PPIA: variants seen among roughly 807,000 people sequenced by gnomAD.
PPIA encodes peptidyl-prolyl cis-trans isomerase A.
In PPIA, 2 loss-of-function variants were observed where a neutral mutation model predicts 15.3. That is an observed-to-expected ratio of 0.13 (90% CI 0.05 to 0.41). The LOEUF (loss-of-function observed/expected upper bound fraction) is 0.41, where lower values mean the gene tolerates loss of function less well. Among genes scored for constraint, PPIA ranks in the 10% least tolerant of loss-of-function variants. The pLI is 0.99. For missense variants in PPIA, 103 were observed against 210.3 expected (o/e 0.49, Z 3.16); for synonymous variants, 67 against 73.1 (o/e 0.92, Z 0.43).
intron 4 of PPIA, chr7:44,800,381 G>A (rs1430614054): frequency 2.0e-5 from 3 of 150,456 alleles, no homozygotes; most frequent in Middle Eastern, 6.9e-4. Flanking sequence ...GAGCCACTGC[G>A]CCCAACCAAT....
At chr7:44,798,699 A>G in intron 1 of PPIA, 1 of 968,546 alleles carries the variant, frequency 1.0e-6, no homozygotes, top group Non-Finnish European at 1.2e-6. Context: ...AGAAAGGTTC[A>G]AAACCAGATA....
At chr7:44,796,976 C>T (rs1306780223) in intron 1 of PPIA, among the ~76,000 whole-genome samples, 183 bp downstream of exon 1, 2 of 152,106 alleles carry the variant, frequency 1.3e-5, no homozygotes, top group Admixed American at 6.5e-5. Context: ...GGGGAGGAGG[C>T]CGGGACGGCG....
intron 4 of PPIA, chr7:44,800,398 CTTT>C (rs57466816): frequency 6.3e-5 from 9 of 142,354 alleles, no homozygotes; most frequent in Middle Eastern, 1.0e-3. Context: ...CAATTAAGTG[CTTT>C]TTTTTTTTTT....
At chr7:44,799,143 G>C (rs949116455) in intron 1 of PPIA, 104 bp from the exon 2 acceptor site, 1 of 1,320,180 alleles carries the variant, frequency 7.6e-7, no homozygotes, top group East Asian at 2.3e-5. Flanking sequence ...TACTGAAGAA[G>C]TATTCTAGTG....
Position 44,796,716 on chromosome 7 carries a change from C to G in PPIA, c.-9C>G, listed in dbSNP as rs755967080. The G allele has an allele frequency of 4.3e-6, 7 of 1,610,106 alleles. No individual in the cohort carries two copies. In the African/African-American group the frequency reaches 5.4e-5, roughly 12 times the overall value. On this transcript the variant is annotated 5_prime_UTR_variant, in exon 1 of 5. Coordinates refer to ENST00000468812, the MANE Select transcript of PPIA (RefSeq NM_021130.5). ...CGCCACCGCCGAGGAAAACCGTGTA[C>G]TATTAGCCATGGTCAACCCCACCGT...
intron 4 of PPIA, 81 bp from the exon 5 acceptor site, chr7:44,801,206 A>G: frequency 2.1e-6 from 3 of 1,433,274 alleles, no homozygotes; most frequent in Admixed American, 2.3e-5. Flanking sequence ...AAAAAAAGCT[A>G]CCTTTCTCGT....
chr7:44,798,776 T>C, intron 1 of PPIA: 1 of 989,154 alleles, frequency 1.0e-6, no homozygotes, highest in Non-Finnish European at 1.2e-6. Flanking sequence ...AAGAAGTGAC[T>C]GCTCATCTAA....
At chr7:44,800,048 CAGATACTATGAT>C (rs1792499268) in intron 4 of PPIA, 174 bp downstream of exon 4, 5 of 687,230 alleles carry the variant, frequency 7.3e-6, no homozygotes, top group Admixed American at 3.0e-5. Flanking sequence ...TACAGAATGT[CAGATACTATGAT>C]AGAAACTTGG....
chr7:44,799,947 T>C, intron 4 of PPIA, 73 bp downstream of exon 4: 1 of 1,473,264 alleles, frequency 6.8e-7, no homozygotes, highest in Admixed American at 1.8e-5. Context: ...GAACAAACAC[T>C]ACTTTTCTTC....
chr7:44,799,219 G>GTTAA, intron 1 of PPIA, 28 bp from the exon 2 acceptor site: 2 of 1,611,088 alleles, frequency 1.2e-6, no homozygotes, highest in South Asian at 2.2e-5. Context: ...ATAAGCAGAT[G>GTTAA]TTAATTAACT....
rs1792566294 is a variant in PPIA, at chr7:44,801,662, G to A, written c.*240G>A. The A allele has an allele frequency of 7.4e-6, 3 of 406,302 alleles. No homozygotes were observed. The South Asian group carries it at 8.3e-5, about 11-fold the overall frequency. 25.2% of individuals were successfully genotyped at this position (406,302 alleles called of 1,614,324 possible). On this transcript the variant is annotated 3_prime_UTR_variant, in exon 5 of 5. Coordinates refer to ENST00000468812, the MANE Select transcript of PPIA (RefSeq NM_021130.5). ...GTTTGAGTTAAGAGTGTTGATGTAGGCTTTATTTTAAGCAGTAATGGGTTA... is the reference window on the plus strand; with the variant it reads ...GTTTGAGTTAAGAGTGTTGATGTAGACTTTATTTTAAGCAGTAATGGGTTA...
chr7:44,798,586 A>C (rs1192672938), intron 1 of PPIA: 1 of 259,846 alleles, frequency 3.8e-6, no homozygotes, highest in African/African-American at 2.3e-5. Context: ...TCTGTGAAAT[A>C]GCTTATAAAA....
In PPIA at chr7:44,801,827, T is replaced by C; in HGVS notation, c.*405T>C. On this transcript the variant is annotated 3_prime_UTR_variant, in exon 5 of 5. Coordinates refer to ENST00000468812, the MANE Select transcript of PPIA (RefSeq NM_021130.5). ...ACTGGGCATGGTGGCTCACTGTCTG[T>C]AATGTATTACCTGAGGCAGAAGACC... is the stretch of plus-strand genomic sequence containing the variant. The C allele has an allele frequency of 5.1e-6, 1 of 195,314 alleles. No homozygotes were observed. The highest frequency in any genetic ancestry group is 1.1e-5 in the Non-Finnish European group (1 of 95,138). 12.1% of individuals were successfully genotyped at this position (195,314 alleles called of 1,614,324 possible). A position where few individuals can be genotyped will look rare whatever the true frequency, so the allele number is the denominator to read the frequency against.
intron 1 of PPIA, among the ~76,000 whole-genome samples, chr7:44,797,527 G>T (rs1041871201): frequency 1.5e-4 from 23 of 152,142 alleles, no homozygotes; most frequent in Non-Finnish European, 2.5e-4. Flanking sequence ...CAGTGACGGC[G>T]CTGGCGGGGG....
At position 44,801,501 on chromosome 7, in the gene PPIA, G is replaced by C. The variant is rs549994697; in HGVS notation, c.*79G>C. 6.2e-6 allele frequency: 7 copies of C among 1,125,086 alleles called. No individual in the cohort carries two copies. Among genetic ancestry groups the C allele is most frequent in the Non-Finnish European group, 9.0e-6 (7 of 777,642 alleles). 69.7% of individuals were successfully genotyped at this position (1,125,086 alleles called of 1,614,324 possible). Reference sequence around the variant, plus strand: ...GAGCACCCCTCCACCCCATTTGCTCGCAGTATCCTAGAATCTTTGTGCTCT... The same window carrying C: ...GAGCACCCCTCCACCCCATTTGCTCCCAGTATCCTAGAATCTTTGTGCTCT... On this transcript the variant is annotated 3_prime_UTR_variant, in exon 5 of 5. Coordinates refer to ENST00000468812, the MANE Select transcript of PPIA (RefSeq NM_021130.5).
At chr7:44,801,214 C>A in intron 4 of PPIA, 73 bp from the exon 5 acceptor site, 1 of 1,493,948 alleles carries the variant, frequency 6.7e-7, no homozygotes, top group Non-Finnish European at 9.1e-7. Flanking sequence ...CTACCTTTCT[C>A]GTCTTGGTTC....
chr7:44,799,909 TA>T (rs1257947374), intron 4 of PPIA, 35 bp downstream of exon 4: 3 of 1,597,038 alleles, frequency 1.9e-6, no homozygotes, highest in African/African-American at 2.7e-5. Flanking sequence ...ACCACCTGAC[TA>T]AATGAAAAGT....
At chr7:44,801,083 C>T (rs1414577962) in intron 4 of PPIA, among the ~76,000 whole-genome samples, 1 of 151,862 alleles carries the variant, frequency 6.6e-6, no homozygotes, top group Non-Finnish European at 1.5e-5. Context: ...TCCCAAAGTG[C>T]TGGGATTACA....
chr7:44,796,689 G>A lies in PPIA; in HGVS notation c.-36G>A, dbSNP rs570585479. The A allele has an allele frequency of 6.2e-7, 1 of 1,603,734 alleles. No homozygotes were observed. The highest frequency in any genetic ancestry group is 2.2e-5 in the East Asian group (1 of 44,528). On this transcript the variant is annotated 5_prime_UTR_variant, in exon 1 of 5. Coordinates refer to ENST00000468812, the MANE Select transcript of PPIA (RefSeq NM_021130.5). ...GAGGCCAGGCTCGTGCCGTTTTGCA[G>A]ACGCCACCGCCGAGGAAAACCGTGT...
Sources: gnomAD v4.1 joint callset for allele counts (sites outside exome capture counted in the v4.1 genomes callset) on GRCh38, gnomAD v4.1.1 for gene constraint, MANE v1.5 for transcripts, NCBI Gene and HGNC (gene_info 2026-07-23, HGNC 2026-07-21) for gene names.